The following CACNA2D1 variants were observed in gnomAD, a reference collection of about 807,000 sequenced individuals.
The protein encoded by CACNA2D1 is calcium voltage-gated channel auxiliary subunit alpha2delta 1.
Under a neutral mutation model 171.5 loss-of-function variants are expected in CACNA2D1, and 53 were observed. The observed-to-expected ratio is 0.31, with a 90% CI of 0.25 to 0.39. The LOEUF (loss-of-function observed/expected upper bound fraction) is 0.39, where lower values mean the gene tolerates loss of function less well. Ranked by LOEUF, CACNA2D1 falls within the 10% of genes least tolerant of loss-of-function variation. The probability of loss-of-function intolerance (pLI) is 1.00; values close to 1 mark genes in which losing one functional copy is unlikely to be tolerated. For synonymous variants in CACNA2D1, 442 were observed against 443.1 expected, an observed-to-expected ratio of 1.00 and a Z score of 0.03; for missense variants, 903 against 1,299.8, an observed-to-expected ratio of 0.69 and a Z score of 4.69.
chr7:82,363,966 G>A (rs986969163), intron 1 of CACNA2D1, among the ~76,000 whole-genome samples: 1 of 152,170 alleles, frequency 6.6e-6, no homozygotes, highest in Non-Finnish European at 1.5e-5. Context: ...GGGCCCGGGG[G>A]CTCACACCTG....
At chr7:82,156,806 G>C (rs191511969) in intron 4 of CACNA2D1, among the ~76,000 whole-genome samples, 3 of 151,996 alleles carry the variant, frequency 2.0e-5, no homozygotes, top group African/African-American at 7.2e-5. Flanking sequence ...AAAGGCCCCT[G>C]TTTATAAATG....
chr7:81,987,289 G>A (rs906560817), intron 21 of CACNA2D1, among the ~76,000 whole-genome samples: 5 of 152,080 alleles, frequency 3.3e-5, no homozygotes, highest in Non-Finnish European at 7.4e-5. Context: ...TACAATGTTT[G>A]CTGTCTCTGT....
At chr7:82,436,207 T>TA (rs139698594) in intron 1 of CACNA2D1, among the ~76,000 whole-genome samples, 4,154 of 152,196 alleles carry the variant, frequency 0.027, 174 homozygotes, top group African/African-American at 0.096. Flanking sequence ...AAACAAGAAA[T>TA]ATTTAAAAAG....
At chr7:82,147,251 G>C (rs1483255867) in intron 4 of CACNA2D1, among the ~76,000 whole-genome samples, 2 of 151,972 alleles carry the variant, frequency 1.3e-5, no homozygotes, top group Non-Finnish European at 2.9e-5. Flanking sequence ...AACATTAAGA[G>C]CTATATCAAT....
At position 82,013,509 on chromosome 7, in the gene CACNA2D1, A is replaced by G; in HGVS notation, c.1224T>C (p.Gly408=). ...CAATGGAAGGAATTTCATAATAATA[A>G]CCTGAAATATACATATATGTTTTTA... The part of the protein sequence containing the change: ...PIQWMACENK[G]YYYEIPSIGA... The change falls in exon 14 of 39, where the codon GGT becomes GGC. Residue 408 remains glycine, a splice_region_variant and synonymous_variant. Coordinates refer to ENST00000356860, the MANE Select transcript of CACNA2D1 (RefSeq NM_000722.4). 1 of 1,033,112 alleles carries G rather than the reference A, an allele frequency of 9.7e-7. No homozygotes were observed. Among genetic ancestry groups the G allele is most frequent in the Non-Finnish European group, 1.4e-6 (1 of 734,086 alleles). The allele number at this position is 1,033,112 out of a possible 1,614,324, so 64.0% of individuals were successfully genotyped here. A position where few individuals can be genotyped will look rare whatever the true frequency, so the allele number is the denominator to read the frequency against.
chr7:82,039,559 C>T (rs1803697396), intron 10 of CACNA2D1, among the ~76,000 whole-genome samples: 1 of 152,134 alleles, frequency 6.6e-6, no homozygotes, highest in Non-Finnish European at 1.5e-5. Flanking sequence ...GAAAAAAACT[C>T]ATCCTGCATT....
At chr7:82,067,000 A>C (rs1807715859) in intron 7 of CACNA2D1, among the ~76,000 whole-genome samples, 1 of 152,124 alleles carries the variant, frequency 6.6e-6, no homozygotes, top group South Asian at 2.1e-4. Context: ...AAATAACTAA[A>C]AGGTCAGCTA....
intron 1 of CACNA2D1, among the ~76,000 whole-genome samples, chr7:82,394,184 C>T (rs188325684): frequency 2.4e-4 from 36 of 152,272 alleles, no homozygotes; most frequent in African/African-American, 7.2e-4. Flanking sequence ...CCAAAAGACA[C>T]ATTTCTTGAT....
chr7:82,409,974 TAA>T (rs1827474212), intron 1 of CACNA2D1, among the ~76,000 whole-genome samples: 1 of 152,202 alleles, frequency 6.6e-6, no homozygotes, highest in African/African-American at 2.4e-5. Context: ...AACATAATGA[TAA>T]GTGTCTGTAT....
chr7:82,382,801 C>T (rs1823856954), intron 1 of CACNA2D1, among the ~76,000 whole-genome samples: 1 of 152,152 alleles, frequency 6.6e-6, no homozygotes, highest in South Asian at 2.1e-4. Context: ...GTTCAGATAT[C>T]TAGACAGGGC....
intron 4 of CACNA2D1, among the ~76,000 whole-genome samples, chr7:82,147,626 G>A (rs1017736059): frequency 3.3e-5 from 5 of 152,124 alleles, no homozygotes; most frequent in African/African-American, 1.2e-4. Context: ...CAGGTCAACA[G>A]CACTTGATCA....
chr7:81,989,156 T>C (rs75546653), intron 21 of CACNA2D1, among the ~76,000 whole-genome samples: 1 of 152,314 alleles, frequency 6.6e-6, no homozygotes, highest in African/African-American at 2.4e-5. Context: ...CCAGTGTTTA[T>C]GTTGTGTGGC....
chr7:82,291,587 TATATA>T (rs1283089895), intron 3 of CACNA2D1, among the ~76,000 whole-genome samples: 1 of 142,908 alleles, frequency 7.0e-6, no homozygotes, highest in Non-Finnish European at 1.5e-5. Flanking sequence ...ATATACTAGA[TATATA>T]ATATATAAAA....
intron 16 of CACNA2D1, among the ~76,000 whole-genome samples, chr7:82,007,018 TAA>T (rs1428303246): frequency 6.6e-6 from 1 of 152,054 alleles, no homozygotes; most frequent in Non-Finnish European, 1.5e-5. Flanking sequence ...TGAATCAAGC[TAA>T]AAAATTGGAA....
intron 1 of CACNA2D1, among the ~76,000 whole-genome samples, chr7:82,384,044 A>C (rs1004007234): frequency 1.3e-5 from 2 of 152,228 alleles, no homozygotes. Flanking sequence ...GAAAATAAGA[A>C]ATTGTGAGAG....
At chr7:82,125,716 T>C (rs1455696500) in intron 5 of CACNA2D1, among the ~76,000 whole-genome samples, 2 of 152,032 alleles carry the variant, frequency 1.3e-5, no homozygotes, top group East Asian at 1.9e-4. Flanking sequence ...GTCTCTAAAA[T>C]TAAAAAATAA....
At chr7:82,110,829 C>G (rs969708439) in intron 6 of CACNA2D1, among the ~76,000 whole-genome samples, 3 of 152,194 alleles carry the variant, frequency 2.0e-5, no homozygotes, top group Admixed American at 6.5e-5. Context: ...TTTCACTCTT[C>G]TCTCTTAACC....
At chr7:81,975,100 A>C (rs1254453890) in intron 24 of CACNA2D1, among the ~76,000 whole-genome samples, 1 of 152,062 alleles carries the variant, frequency 6.6e-6, no homozygotes, top group Non-Finnish European at 1.5e-5. Flanking sequence ...TGAAATCTGA[A>C]TAATATCAGT....
chr7:82,046,745 A>G (rs894861633), intron 10 of CACNA2D1, among the ~76,000 whole-genome samples: 44 of 152,204 alleles, frequency 2.9e-4, no homozygotes, highest in Non-Finnish European at 1.0e-4. Context: ...ACAATTCCCT[A>G]TAATTATAAA....
Sources: allele counts gnomAD v4.1 joint callset (sites outside exome capture counted in the v4.1 genomes callset), GRCh38; gene constraint gnomAD v4.1.1; transcripts MANE v1.5; gene names NCBI Gene and HGNC (gene_info 2026-07-23, HGNC 2026-07-21).